FOXN3: variants seen among roughly 807,000 people sequenced by gnomAD.
FOXN3 encodes the protein forkhead box protein N3.
Under a neutral mutation model 38.4 loss-of-function variants are expected in FOXN3, and 7 were observed. That is an observed-to-expected ratio of 0.18 (90% CI 0.10 to 0.34). The LOEUF (loss-of-function observed/expected upper bound fraction) is 0.34, where lower values mean the gene tolerates loss of function less well. Ranked by LOEUF, FOXN3 falls within the 10% of genes least tolerant of loss-of-function variation. The pLI, the probability that FOXN3 is intolerant of heterozygous loss-of-function variation, is 1.00. For missense variants in FOXN3, 456 were observed against 613.4 expected (o/e 0.74, Z 2.71); for synonymous variants, 230 against 242.2 (o/e 0.95, Z 0.47).
chr14:89,593,638 GT>G (rs982470537), intron 1 of FOXN3, among the ~76,000 whole-genome samples: 2 of 152,132 alleles, frequency 1.3e-5, no homozygotes, highest in African/African-American at 2.4e-5. Flanking sequence ...ATCTTAGAGG[GT>G]TTTTTAAATA....
At chr14:89,404,634 G>A (rs1029941942) in intron 2 of FOXN3, among the ~76,000 whole-genome samples, 1 of 151,538 alleles carries the variant, frequency 6.6e-6, no homozygotes, top group Non-Finnish European at 1.5e-5. Flanking sequence ...TTTTATTTCT[G>A]GCCCCTCAGA....
chr14:89,244,215 A>G (rs538236796), intron 4 of FOXN3, among the ~76,000 whole-genome samples: 13 of 152,358 alleles, frequency 8.5e-5, no homozygotes, highest in African/African-American at 2.6e-4. Context: ...TTCCTTAGAC[A>G]TACATACATG....
At chr14:89,546,227 G>A (rs149654898) in intron 1 of FOXN3, among the ~76,000 whole-genome samples, 63 of 150,636 alleles carry the variant, frequency 4.2e-4, no homozygotes, top group African/African-American at 1.4e-3. Context: ...AAATAGCCTA[G>A]TAAATGGTTG....
At chr14:89,612,363 T>A (rs1274700855) in intron 1 of FOXN3, among the ~76,000 whole-genome samples, 1 of 152,198 alleles carries the variant, frequency 6.6e-6, no homozygotes, top group African/African-American at 2.4e-5. Context: ...TTCTAAATGC[T>A]GAATCTAGTC....
rs1260390092 is a variant in FOXN3 at position 89,160,211 on chromosome 14, A to ACCCCCGC, written c.*2196_*2202dup. 1 of 128,254 alleles carries ACCCCCGC rather than the reference A, an allele frequency of 7.8e-6. No homozygotes were observed. The highest frequency in any genetic ancestry group is 1.7e-5 in the Non-Finnish European group (1 of 59,364). The allele number at this position is 128,254 out of a possible 1,614,324, so 7.9% of individuals were successfully genotyped here. Reference sequence around the variant, plus strand: ...TATTCTTTTAGAGATTTCTCTTTGTACCCCCGCCCCCCGCCCCCGCCATTA... The same window carrying ACCCCCGC: ...TATTCTTTTAGAGATTTCTCTTTGTACCCCCGCCCCCCGCCCCCCGCCCCCGCCATTA... On this transcript the variant is annotated 3_prime_UTR_variant, in exon 6 of 6. Transcript: ENST00000557258.
rs10484011 is a variant in FOXN3 at position 89,164,640 on chromosome 14, G to C, written c.852-1671C>G. 0.039 allele frequency among the ~76,000 whole-genome samples: 5,863 copies of C among 152,222 alleles called. 373 individuals are homozygous for C. The highest frequency in any genetic ancestry group is 0.13 in the African/African-American group (5,534 of 41,518). Reference sequence around the variant, plus strand: ...CACAGCAGATAAACTGAGGAAGTGCGGCACAGGTGGAATCACGTGGCTGAG... The same window carrying C: ...CACAGCAGATAAACTGAGGAAGTGCCGCACAGGTGGAATCACGTGGCTGAG... On this transcript the variant is annotated intron_variant, in intron 5 of 5. Coordinates refer to ENST00000557258, the MANE Select transcript of FOXN3 (RefSeq NM_005197.4). The surrounding 1 kb of genome is among the most constrained non-coding windows in gnomAD (Gnocchi z 4.3).
intron 1 of FOXN3, among the ~76,000 whole-genome samples, chr14:89,447,638 GC>G (rs1196424140): frequency 6.6e-6 from 1 of 151,888 alleles, no homozygotes; most frequent in Non-Finnish European, 1.5e-5. Context: ...CACACCCCAT[GC>G]CTAGGAGACC....
At chr14:89,613,634 C>T (rs529356366) in intron 1 of FOXN3, among the ~76,000 whole-genome samples, 39 of 152,080 alleles carry the variant, frequency 2.6e-4, no homozygotes, top group African/African-American at 9.4e-4. Context: ...TTTTTTTTCC[C>T]AGCACAAATT....
At chr14:89,546,323 C>CTTTTTT (rs1566694411) in intron 1 of FOXN3, among the ~76,000 whole-genome samples, 1 of 45,976 alleles carries the variant, frequency 2.2e-5, no homozygotes, top group African/African-American at 1.0e-4. Flanking sequence ...TTCTTTTTTC[C>CTTTTTT]TTTTTCTTTT....
chr14:89,269,569 C>T (rs186563137), intron 4 of FOXN3, among the ~76,000 whole-genome samples: 39 of 151,312 alleles, frequency 2.6e-4, no homozygotes, highest in African/African-American at 9.5e-4. Context: ...TTACAGATAA[C>T]ATTCATAGGT....
chr14:89,379,811 C>T (rs1890587386), intron 2 of FOXN3, among the ~76,000 whole-genome samples: 1 of 152,082 alleles, frequency 6.6e-6, no homozygotes, highest in Non-Finnish European at 1.5e-5. Flanking sequence ...TAGGTGCCCA[C>T]CACCATGTCT....
intron 1 of FOXN3, among the ~76,000 whole-genome samples, chr14:89,461,563 G>T (rs1402537709): frequency 6.6e-6 from 1 of 152,194 alleles, no homozygotes; most frequent in Admixed American, 6.5e-5. Context: ...CACCAATGCA[G>T]AGAGTAATAT....
intron 3 of FOXN3, among the ~76,000 whole-genome samples, chr14:89,332,634 A>G (rs10129734): frequency 0.18 from 28,034 of 152,170 alleles, 2,897 homozygotes; most frequent in South Asian, 0.3. Context: ...AAACTCCATG[A>G]CATTGGTCTT....
chr14:89,534,100 C>CT (rs79800046), intron 1 of FOXN3, among the ~76,000 whole-genome samples: 1,648 of 113,760 alleles, frequency 0.014, 30 homozygotes, highest in African/African-American at 0.025. Flanking sequence ...ATTATACATT[C>CT]TTTTTTTTTT....
intron 1 of FOXN3, among the ~76,000 whole-genome samples, chr14:89,513,692 T>A (rs1007510314): frequency 6.6e-6 from 1 of 152,154 alleles, no homozygotes; most frequent in African/African-American, 2.4e-5. Flanking sequence ...CCTCCTGGGT[T>A]CAAGTGATTC....
At chr14:89,467,507 C>T (rs555379008) in intron 1 of FOXN3, among the ~76,000 whole-genome samples, 18 of 150,788 alleles carry the variant, frequency 1.2e-4, no homozygotes, top group South Asian at 6.3e-4. Flanking sequence ...CCGACATAAA[C>T]GGATTAGCCA....
intron 3 of FOXN3, chr14:89,290,430 T>C: frequency 2.7e-6 from 1 of 375,146 alleles, no homozygotes; most frequent in Non-Finnish European, 5.2e-6. Flanking sequence ...GTACTTGGAG[T>C]TGGTCATTTC....
chr14:89,571,610 T>C (rs180865055), intron 1 of FOXN3, among the ~76,000 whole-genome samples: 75 of 152,244 alleles, frequency 4.9e-4, no homozygotes, highest in African/African-American at 1.7e-3. Context: ...TTAGACATCA[T>C]GTACCACACC....
At chr14:89,396,615 C>A (rs1000886608) in intron 2 of FOXN3, among the ~76,000 whole-genome samples, 6 of 152,028 alleles carry the variant, frequency 3.9e-5, no homozygotes, top group Non-Finnish European at 7.4e-5. Context: ...GGGTGGATCA[C>A]GAGGTCAGGA....
Sources: allele counts gnomAD v4.1 joint callset (sites outside exome capture counted in the v4.1 genomes callset), GRCh38; gene constraint gnomAD v4.1.1; non-coding constraint Gnocchi (gnomAD v3.1); transcripts MANE v1.5; gene names NCBI Gene and HGNC (gene_info 2026-07-23, HGNC 2026-07-21).